PDE10A: variants seen among roughly 807,000 people sequenced by gnomAD.
The protein encoded by PDE10A is cAMP and cAMP-inhibited cGMP 3',5'-cyclic phosphodiesterase 10A.
Under a neutral mutation model 97.7 loss-of-function variants are expected in PDE10A, and 39 were observed. That is an observed-to-expected ratio of 0.40 (90% CI 0.31 to 0.52). The LOEUF is 0.52. Among genes scored for constraint, PDE10A ranks in the 20% least tolerant of loss-of-function variants. The pLI, the probability that PDE10A is intolerant of heterozygous loss-of-function variation, is 0.56. For synonymous variants in PDE10A, 371 were observed against 376.8 expected (o/e 0.98, Z 0.18); for missense variants, 731 against 1,047.8 (o/e 0.70, Z 4.17).
intron 18 of PDE10A, among the ~76,000 whole-genome samples, chr6:165,359,421 C>T (rs1169812934): frequency 6.6e-6 from 1 of 152,178 alleles, no homozygotes; most frequent in Non-Finnish European, 1.5e-5. Flanking sequence ...TTTTTGCTCT[C>T]CATGATTTCT....
chr6:165,971,428 C>T (rs563909864), intron 1 of PDE10A, among the ~76,000 whole-genome samples: 30 of 152,298 alleles, frequency 2.0e-4, no homozygotes, highest in African/African-American at 7.0e-4. Flanking sequence ...ACCTTCTTAC[C>T]TTCCTATAAG....
intron 13 of PDE10A, among the ~76,000 whole-genome samples, chr6:165,406,228 A>G (rs900394577): frequency 2.3e-4 from 33 of 140,510 alleles, no homozygotes; most frequent in Admixed American, 3.5e-4. Flanking sequence ...AGGGAAAAGG[A>G]TGTGTGTGTG....
intron 18 of PDE10A, among the ~76,000 whole-genome samples, chr6:165,365,687 T>G (rs116083268): frequency 6.6e-6 from 1 of 152,148 alleles, no homozygotes; most frequent in Non-Finnish European, 1.5e-5. Context: ...GCCACTGTAC[T>G]TAAGCCTGGG....
At chr6:165,547,305 A>G (rs541689949) in intron 1 of PDE10A, among the ~76,000 whole-genome samples, 4 of 152,234 alleles carry the variant, frequency 2.6e-5, no homozygotes, top group Non-Finnish European at 4.4e-5. Flanking sequence ...GAGCAGGGGC[A>G]GGTTAAAAGT....
intron 18 of PDE10A, among the ~76,000 whole-genome samples, chr6:165,368,171 T>C (rs948640042): frequency 3.3e-5 from 5 of 152,094 alleles, no homozygotes; most frequent in Non-Finnish European, 7.4e-5. Context: ...AATTTTTGTA[T>C]TTTTACTACA....
chr6:165,788,528 A>G (rs2128463056), intron 1 of PDE10A, among the ~76,000 whole-genome samples: 1 of 150,628 alleles, frequency 6.6e-6, no homozygotes, highest in African/African-American at 2.4e-5. Flanking sequence ...CAAAAAAAAA[A>G]AAAAAAAAAA....
intron 1 of PDE10A, among the ~76,000 whole-genome samples, chr6:165,579,343 T>C (rs984755282): frequency 1.3e-5 from 2 of 152,138 alleles, no homozygotes; most frequent in East Asian, 1.9e-4. Flanking sequence ...AGCAGTGCAG[T>C]TGAGAAACAG....
At chr6:165,907,862 G>A (rs1307483538) in intron 1 of PDE10A, among the ~76,000 whole-genome samples, 1 of 152,236 alleles carries the variant, frequency 6.6e-6, no homozygotes, top group African/African-American at 2.4e-5. Flanking sequence ...TTGTTCAGAG[G>A]CAGAGAGAAA....
intron 1 of PDE10A, among the ~76,000 whole-genome samples, chr6:165,910,350 C>T (rs539317425): frequency 6.2e-4 from 94 of 152,310 alleles, no homozygotes; most frequent in Admixed American, 1.6e-3. Context: ...CCCTCCCTGA[C>T]GAACAGATGG....
chr6:165,606,152 C>T lies in PDE10A; in HGVS notation c.865+55795G>A, dbSNP rs550750249. On this transcript the variant is annotated intron_variant, in intron 1 of 21. Coordinates refer to ENST00000539869, the MANE Select transcript of PDE10A (RefSeq NM_001385079.1). ...GCAAATTATTAACATTACGAACAAG[C>T]GAAAAAAAAAAAAAAAACAGAAATA... Among the ~76,000 whole-genome samples, 3 of 52,732 alleles carry T rather than the reference C, an allele frequency of 5.7e-5. No individual in the cohort carries two copies. In the East Asian group the frequency reaches 1.6e-3, roughly 29 times the overall value. The allele number at this position is 52,732 out of a possible 152,430, so 34.6% of individuals were successfully genotyped here. A position where few individuals can be genotyped will look rare whatever the true frequency, so the allele number is the denominator to read the frequency against.
chr6:165,904,396 G>A (rs2461725), intron 1 of PDE10A, among the ~76,000 whole-genome samples: 121,303 of 152,084 alleles, frequency 0.8, 48,713 homozygotes, highest in East Asian at 0.97. Context: ...TTTTTGCAAT[G>A]AACAATGAAG....
intron 1 of PDE10A, among the ~76,000 whole-genome samples, chr6:165,843,331 C>T (rs1240569371): frequency 6.6e-6 from 1 of 152,188 alleles, no homozygotes; most frequent in Non-Finnish European, 1.5e-5. Flanking sequence ...CAGACACACA[C>T]ACAGGCATGC....
chr6:165,451,319 G>A (rs1791275241), intron 3 of PDE10A, among the ~76,000 whole-genome samples: 1 of 152,124 alleles, frequency 6.6e-6, no homozygotes, highest in Non-Finnish European at 1.5e-5. Context: ...CTTCTCTAAA[G>A]GAATAAAAAA....
chr6:165,726,665 G>A (rs1357603557), intron 1 of PDE10A, among the ~76,000 whole-genome samples: 2 of 152,174 alleles, frequency 1.3e-5, no homozygotes, highest in Non-Finnish European at 2.9e-5. Flanking sequence ...AGCAGGGAGA[G>A]TGTCCCATGG....
chr6:165,543,048 G>C (rs934588787), intron 2 of PDE10A, among the ~76,000 whole-genome samples: 1 of 151,996 alleles, frequency 6.6e-6, no homozygotes, highest in African/African-American at 2.4e-5. Flanking sequence ...GCTTGTTTTT[G>C]TAAAGGATTT....
chr6:165,687,480 C>CT (rs1562684824), intron 1 of PDE10A, among the ~76,000 whole-genome samples: 1 of 152,190 alleles, frequency 6.6e-6, no homozygotes, highest in East Asian at 1.9e-4. Context: ...CAGAGACAGA[C>CT]TTTAACTATT....
chr6:165,874,630 G>A (rs762907132), intron 1 of PDE10A, among the ~76,000 whole-genome samples: 17 of 152,190 alleles, frequency 1.1e-4, no homozygotes, highest in Non-Finnish European at 1.8e-4. Flanking sequence ...AACAGTATGT[G>A]TTTTCTATGT....
intron 1 of PDE10A, among the ~76,000 whole-genome samples, chr6:165,759,973 C>T (rs1308808966): frequency 2.0e-5 from 3 of 152,120 alleles, no homozygotes; most frequent in Non-Finnish European, 4.4e-5. Flanking sequence ...TTATTTTGAA[C>T]TCAGTTGCAT....
At chr6:165,885,903 TAGAG>T (rs1370550038) in intron 1 of PDE10A, among the ~76,000 whole-genome samples, 81 of 152,334 alleles carry the variant, frequency 5.3e-4, no homozygotes, top group Middle Eastern at 3.4e-3. Flanking sequence ...TGGCTAAAGA[TAGAG>T]AGACCTTACA....
Sources: allele counts gnomAD v4.1 joint callset (sites outside exome capture counted in the v4.1 genomes callset), GRCh38; gene constraint gnomAD v4.1.1; transcripts MANE v1.5; gene names NCBI Gene and HGNC (gene_info 2026-07-23, HGNC 2026-07-21).